Variants in BSG observed in about 807,000 individuals in gnomAD.
BSG encodes basigin (Ok blood group).
A neutral mutation model predicts 43.1 loss-of-function variants in BSG; 37 were observed. The observed-to-expected ratio is 0.86, with a 90% confidence interval of 0.66 to 1.13. The LOEUF is 1.13. Ranked by LOEUF, BSG falls within the 50% of genes most tolerant of loss-of-function variation. BSG has a pLI of 0.00. For missense variants in BSG, 599 were observed against 554.2 expected (o/e 1.08, Z -0.81); for synonymous variants, 309 against 238.7 (o/e 1.29, Z -2.72).
At position 572,646 on chromosome 19, in the gene BSG, G is replaced by C; in HGVS notation, c.12G>C (p.Ala4=). ...GAGGAATAGGAATCATGGCGGCTGC[G>C]CTGTTCGTGCTGCTGGGATTCGCGC... MAA[A]LFVLLGFALL... Residue 4 remains alanine, a synonymous_variant, in exon 1 of 9, where the codon GCG becomes GCC. Transcript: ENST00000333511. The C allele has an allele frequency of 1.3e-6, 2 of 1,504,204 alleles. No individual in the cohort carries two copies. Among genetic ancestry groups the C allele is most frequent in the Non-Finnish European group, 1.8e-6 (2 of 1,125,006 alleles). 93.2% of individuals were successfully genotyped at this position (1,504,204 alleles called of 1,614,324 possible). A position where few individuals can be genotyped will look rare whatever the true frequency, so the allele number is the denominator to read the frequency against.
At chr19:575,954 C>T (rs1044473981) in intron 1 of BSG, among the ~76,000 whole-genome samples, 1 of 152,136 alleles carries the variant, frequency 6.6e-6, no homozygotes, top group African/African-American at 2.4e-5. Flanking sequence ...CCCCCCCACC[C>T]CCAGTGACAC....
At chr19:575,859 G>C (rs991002747) in intron 1 of BSG, among the ~76,000 whole-genome samples, 1 of 151,992 alleles carries the variant, frequency 6.6e-6, no homozygotes, top group Admixed American at 6.5e-5. Context: ...CTCCTGGTGC[G>C]GCGGGCGAGA....
At chr19:582,167 A>G (rs1252484359) in intron 6 of BSG, 139 bp from the exon 7 acceptor site, 6 of 1,091,944 alleles carry the variant, frequency 5.5e-6, no homozygotes, top group African/African-American at 1.6e-5. Context: ...GCCGGGGCTG[A>G]TGAGCTGCCC....
intron 1 of BSG, among the ~76,000 whole-genome samples, chr19:577,408 C>T (rs1981868978): frequency 6.6e-6 from 1 of 152,152 alleles, no homozygotes; most frequent in African/African-American, 2.4e-5. Context: ...TCTCTGGGGT[C>T]AGGGTATCGG....
In BSG at chr19:577,939, G is replaced by C; in HGVS notation, c.233G>C (p.Arg78Pro). ...CTCTGGGACGGCGCCCGGCTGGACCGCGTCCACATCCACGCCACCTACCAC... is the reference window on the plus strand; with the variant it reads ...CTCTGGGACGGCGCCCGGCTGGACCCCGTCCACATCCACGCCACCTACCAC... ...SQLWDGARLD[R>P]VHIHATYHQH... Residue 78 changes from arginine to proline, a missense_variant, in exon 2 of 9, where the codon CGC becomes CCC. Physicochemically the swap from Arg to Pro is moderately radical, Grantham distance 103. Coordinates refer to ENST00000333511, the MANE Select transcript of BSG (RefSeq NM_001728.4). 1.2e-6 allele frequency: 2 copies of C among 1,608,402 alleles called. No homozygotes were observed. Among genetic ancestry groups the C allele is most frequent in the Non-Finnish European group, 8.5e-7 (1 of 1,177,190 alleles).
In BSG at chr19:579,365, G is replaced by T. The variant is rs555375779; in HGVS notation, c.416-135G>T. ...TCCCCTTGGGCCTCCGGTCCTCGGG[G>T]CGTAAGGGCCACGGTGTATTTTTGG... On this transcript the variant is annotated intron_variant, in intron 2 of 8. Coordinates refer to ENST00000333511, the MANE Select transcript of BSG (RefSeq NM_001728.4). 3.8e-4 allele frequency: 468 copies of T among 1,237,466 alleles called. 8 individuals are homozygous for T. The South Asian group carries it at 5.5e-3, about 15-fold the overall frequency. The allele number at this position is 1,237,466 out of a possible 1,614,324, so 76.7% of individuals were successfully genotyped here.
chr19:572,574 A>G (rs534560674), upstream of BSG: 164 of 1,427,284 alleles, frequency 1.1e-4, no homozygotes, highest in Admixed American at 3.4e-4. Flanking sequence ...CGCTTTTTAT[A>G]GCGGCCGCGG....
intron 1 of BSG, among the ~76,000 whole-genome samples, chr19:576,762 A>AG: frequency 7.1e-6 from 1 of 140,918 alleles, no homozygotes; most frequent in East Asian, 2.2e-4. Flanking sequence ...AAAAAAAAAA[A>AG]GAAGAAGAGG....
At position 577,977 on chromosome 19, in the gene BSG, A is replaced by C; in HGVS notation, c.271A>C (p.Ser91Arg). 1 of 1,612,202 alleles carries C rather than the reference A, an allele frequency of 6.2e-7. No homozygotes were observed. The highest frequency in any genetic ancestry group is 8.5e-7 in the Non-Finnish European group (1 of 1,179,678). The change falls in exon 2 of 9, where the codon AGC becomes CGC. Residue 91 changes from serine (S) to arginine (R), a missense_variant. Transcript: ENST00000333511. ...IHATYHQHAA[S>R]TISIDTLVEE... ...CGCCACCTACCACCAGCACGCGGCCAGCACCATCTCCATCGACACGCTCGT... is the reference window on the plus strand; with the variant it reads ...CGCCACCTACCACCAGCACGCGGCCCGCACCATCTCCATCGACACGCTCGT...
intron 1 of BSG, 136 bp downstream of exon 1, chr19:572,837 C>A: frequency 9.4e-7 from 1 of 1,061,638 alleles, no homozygotes; most frequent in Non-Finnish European, 1.2e-6. Flanking sequence ...GCCCCGGGGG[C>A]TTCCCGCGCC....
At chr19:574,763 G>A (rs966483135) in intron 1 of BSG, among the ~76,000 whole-genome samples, 2 of 152,170 alleles carry the variant, frequency 1.3e-5, no homozygotes, top group African/African-American at 4.8e-5. Flanking sequence ...CTGAGATTTC[G>A]TCTTCCTGGT....
At chr19:579,373 G>C (rs767977233) in intron 2 of BSG, 127 bp from the exon 3 acceptor site, 1 of 1,319,082 alleles carries the variant, frequency 7.6e-7, no homozygotes, top group South Asian at 1.2e-5. Flanking sequence ...GGGCGTAAGG[G>C]CCACGGTGTA....
upstream of BSG, chr19:571,628 TG>T (rs766116612): frequency 2.6e-6 from 2 of 779,056 alleles, no homozygotes; most frequent in East Asian, 4.9e-5. Flanking sequence ...ATGGGATATT[TG>T]GGGGCGGCGA....
rs1344169393 is a variant in BSG, at chr19:581,605, C to T, written c.1069+14C>T. ...ACGTCCTGGATGGTGAGCCGTCTGC[C>T]CTCCTGCCCACATGCCCTGCTCTCG... On this transcript the variant is annotated intron_variant, in intron 6 of 8. Coordinates refer to ENST00000333511, the MANE Select transcript of BSG (RefSeq NM_001728.4). 3 of 1,573,836 alleles carry T rather than the reference C, an allele frequency of 1.9e-6. No individual in the cohort carries two copies. The highest frequency in any genetic ancestry group is 1.8e-5 in the Admixed American group (1 of 56,024).
At chr19:574,537 A>G (rs1981593109) in intron 1 of BSG, among the ~76,000 whole-genome samples, 1 of 150,952 alleles carries the variant, frequency 6.6e-6, no homozygotes, top group African/African-American at 2.4e-5. Flanking sequence ...TGGGCGACAG[A>G]GCGAGACCCC....
chr19:579,539 A>G lies in BSG; in HGVS notation c.455A>G (p.Lys152Arg). The change falls in exon 3 of 9, where the codon AAG becomes AGG. Residue 152 changes from lysine (K) to arginine (R), a missense_variant. Physicochemically the swap from Lys to Arg is conservative, Grantham distance 26. Coordinates refer to ENST00000333511, the MANE Select transcript of BSG (RefSeq NM_001728.4). ...ACTACCGTAGAAGACCTTGGCTCCA[A>G]GATACTCCTCACCTGCTCCTTGAAT... ...VFTTVEDLGSKILLTCSLNDS... is the reference protein window; with the variant it reads ...VFTTVEDLGSRILLTCSLNDS... 1 of 1,612,692 alleles carries G rather than the reference A, an allele frequency of 6.2e-7. No individual in the cohort carries two copies. Among genetic ancestry groups the G allele is most frequent in the African/African-American group, 1.3e-5 (1 of 75,064 alleles).
At chr19:578,349 A>C (rs1981971522) in intron 2 of BSG, 1 of 445,476 alleles carries the variant, frequency 2.2e-6, no homozygotes, top group Admixed American at 4.2e-5. Flanking sequence ...TCTGCCCTCC[A>C]GCAGGTGGGT....
At chr19:582,187 C>A in intron 6 of BSG, 119 bp from the exon 7 acceptor site, 1 of 1,411,528 alleles carries the variant, frequency 7.1e-7, no homozygotes, top group Non-Finnish European at 9.7e-7. Context: ...CCGAGCCACC[C>A]CTGGGGGTCA....
intron 1 of BSG, among the ~76,000 whole-genome samples, chr19:575,805 G>T (rs2238540): frequency 0.14 from 21,063 of 152,064 alleles, 1,691 homozygotes; most frequent in South Asian, 0.26. Context: ...GGCTGTGGCC[G>T]AGGGTCAGGC....
Sources: gnomAD v4.1 joint callset for allele counts (sites outside exome capture counted in the v4.1 genomes callset) on GRCh38, gnomAD v4.1.1 for gene constraint, MANE v1.5 for transcripts, NCBI Gene and HGNC (gene_info 2026-07-23, HGNC 2026-07-21) for gene names.